The following ELP4 variants were observed in gnomAD, a reference collection of about 807,000 sequenced individuals.
ELP4 encodes elongator complex protein 4.
A neutral mutation model predicts 48.9 loss-of-function variants in ELP4; 51 were observed. That is an observed-to-expected ratio of 1.04 (90% CI 0.83 to 1.32). The LOEUF (loss-of-function observed/expected upper bound fraction) is 1.32. ELP4 is among the 40% of genes most tolerant of loss of function. The pLI is 0.00. For synonymous variants in ELP4, 210 were observed against 189.2 expected (o/e 1.11, Z -0.90); for missense variants, 519 against 514.6 (o/e 1.01, Z -0.08).
chr11:31,773,609 C>A (rs1948190752), intron 9 of ELP4, among the ~76,000 whole-genome samples: 1 of 152,240 alleles, frequency 6.6e-6, no homozygotes, highest in Non-Finnish European at 1.5e-5. Flanking sequence ...TGTCTCTCAA[C>A]TCCCATGAAG....
At chr11:31,602,746 GTATC>G (rs1229753099) in intron 4 of ELP4, among the ~76,000 whole-genome samples, 1 of 151,798 alleles carries the variant, frequency 6.6e-6, no homozygotes, top group African/African-American at 2.4e-5. Context: ...ACTTAGATAA[GTATC>G]TACTATGTAT....
At chr11:31,766,390 A>T (rs1948041449) in intron 9 of ELP4, among the ~76,000 whole-genome samples, 1 of 152,134 alleles carries the variant, frequency 6.6e-6, no homozygotes, top group Non-Finnish European at 1.5e-5. Context: ...AGATAAATAC[A>T]TATGGTTTCA....
intron 3 of ELP4, among the ~76,000 whole-genome samples, chr11:31,560,641 T>G (rs771520099): frequency 6.7e-6 from 1 of 150,108 alleles, no homozygotes; most frequent in Non-Finnish European, 1.5e-5. Flanking sequence ...TTTTAAAATA[T>G]TTTATAAAAT....
rs1957428211 is a variant in ELP4, at chr11:31,583,758, A to C, written c.382-11012A>C. On this transcript the variant is annotated intron_variant, in intron 3 of 9. Transcript: ENST00000640961. ...TAGTAAACAATTTAAAGTGTTAGGT[A>C]AATAAATAAATACATTTCCTATTTT... 2.0e-5 allele frequency among the ~76,000 whole-genome samples: 3 copies of C among 152,226 alleles called. No individual in the cohort carries two copies. The South Asian group carries it at 6.2e-4, about 31-fold the overall frequency.
In ELP4 at chr11:31,627,159, A is replaced by G; in HGVS notation, c.703A>G (p.Ile235Val). ...GCTGCTTCAGTTTATCCAGAACATC[A>G]TTTATGAGGAAGGATTTGATGGATC... ...TKLLQFIQNI[I>V]YEEGFDGSNP... is the part of the protein sequence containing the mutation. The change falls in exon 6 of 10, where the codon ATT becomes GTT. Residue 235 changes from isoleucine to valine, a missense_variant. Physicochemically the swap from Ile to Val is conservative, Grantham distance 29. Transcript: ENST00000640961. 1 of 1,597,764 alleles carries G rather than the reference A, an allele frequency of 6.3e-7. No individual in the cohort carries two copies. The highest frequency in any genetic ancestry group is 8.5e-7 in the Non-Finnish European group (1 of 1,171,384).
chr11:31,690,946 A>G (rs563194191), intron 9 of ELP4, among the ~76,000 whole-genome samples: 43 of 152,000 alleles, frequency 2.8e-4, no homozygotes, highest in Admixed American at 2.6e-3. Context: ...CAAATTTCCT[A>G]CATTAAGACT....
At chr11:31,701,508 T>C (rs1318933013) in intron 9 of ELP4, among the ~76,000 whole-genome samples, 1 of 151,912 alleles carries the variant, frequency 6.6e-6, no homozygotes, top group Non-Finnish European at 1.5e-5. Context: ...TCAATTTATC[T>C]TGGGGCACAG....
At chr11:31,567,335 C>G (rs1455109415) in intron 3 of ELP4, among the ~76,000 whole-genome samples, 4 of 152,200 alleles carry the variant, frequency 2.6e-5, no homozygotes, top group Non-Finnish European at 4.4e-5. Context: ...CTGATTTTCT[C>G]AGATAGGATC....
At chr11:31,720,549 A>C (rs1418075409) in intron 9 of ELP4, among the ~76,000 whole-genome samples, 2 of 152,224 alleles carry the variant, frequency 1.3e-5, no homozygotes, top group East Asian at 3.8e-4. Context: ...TGCTTAGCAA[A>C]GGAGTAGTTG....
chr11:31,773,262 T>G (rs1475652608), intron 9 of ELP4, among the ~76,000 whole-genome samples: 1 of 152,244 alleles, frequency 6.6e-6, no homozygotes, highest in African/African-American at 2.4e-5. Context: ...TCTTACATAG[T>G]TCTAGGATTC....
rs763707989 is a variant in ELP4 at position 31,789,887 on chromosome 11, C to G, written c.*6363C>G. The stretch of plus-strand genomic sequence containing the variant: ...ACTGTTGTGTCCCCATAGTCACTGA[C>G]TGAATTAACACAATATTTCCTTTCC... On this transcript the variant is annotated 3_prime_UTR_variant, in exon 10 of 10. Coordinates refer to ENST00000640961, the MANE Select transcript of ELP4 (RefSeq NM_019040.5). 7.9e-6 allele frequency: 12 copies of G among 1,518,486 alleles called. No individual in the cohort carries two copies. In the East Asian group the frequency reaches 1.7e-4, roughly 21 times the overall value. The allele number at this position is 1,518,486 out of a possible 1,614,324, so 94.1% of individuals were successfully genotyped here.
chr11:31,744,192 G>A (rs986459198), intron 9 of ELP4, among the ~76,000 whole-genome samples: 2 of 152,138 alleles, frequency 1.3e-5, no homozygotes, highest in Non-Finnish European at 2.9e-5. Flanking sequence ...ACTAAACCAG[G>A]AAGAAGTTGA....
intron 5 of ELP4, among the ~76,000 whole-genome samples, chr11:31,617,518 G>A (rs1393427483): frequency 1.3e-5 from 2 of 151,874 alleles, no homozygotes; most frequent in Non-Finnish European, 2.9e-5. Flanking sequence ...TTAACTTAAT[G>A]TTAAGTTGTG....
rs1439009651 is a variant in ELP4, at chr11:31,689,446, A to G, written c.1143+39225A>G. On this transcript the variant is annotated intron_variant, in intron 9 of 9. Coordinates refer to ENST00000640961, the MANE Select transcript of ELP4 (RefSeq NM_019040.5). ...GCCACAAAATGAGAACCTGTCTTTA[A>G]AAAAAAAAAAAAAAAGAAAGAAAGA... 3.7e-4 allele frequency: 9 copies of G among 24,192 alleles called. No individual in the cohort carries two copies. The East Asian group carries it at 0.015, about 42-fold the overall frequency. 1.5% of individuals were successfully genotyped at this position (24,192 alleles called of 1,614,324 possible). A position where few individuals can be genotyped will look rare whatever the true frequency, so the allele number is the denominator to read the frequency against.
At chr11:31,669,514 G>A (rs983778219) in intron 9 of ELP4, among the ~76,000 whole-genome samples, 1 of 152,130 alleles carries the variant, frequency 6.6e-6, no homozygotes, top group East Asian at 1.9e-4. Flanking sequence ...AGGTTAGATA[G>A]CCTACCTCTG....
At chr11:31,523,336 T>A (rs1956246180) in intron 2 of ELP4, among the ~76,000 whole-genome samples, 2 of 152,248 alleles carry the variant, frequency 1.3e-5, no homozygotes, top group Admixed American at 6.5e-5. Flanking sequence ...TGAAAAACTT[T>A]AAATTCCAGA....
At chr11:31,641,019 G>A (rs1298921555) in intron 7 of ELP4, among the ~76,000 whole-genome samples, 1 of 151,854 alleles carries the variant, frequency 6.6e-6, no homozygotes, top group Non-Finnish European at 1.5e-5. Flanking sequence ...CAAAATCTTA[G>A]AACAGATTTT....
chr11:31,514,022 G>T (rs1258448923), intron 1 of ELP4, among the ~76,000 whole-genome samples: 1 of 152,016 alleles, frequency 6.6e-6, no homozygotes, highest in Admixed American at 6.6e-5. Flanking sequence ...GCCAATAATT[G>T]TGTCATAATT....
At chr11:31,758,252 C>A (rs1487561139) in intron 9 of ELP4, among the ~76,000 whole-genome samples, 1 of 152,174 alleles carries the variant, frequency 6.6e-6, no homozygotes, top group African/African-American at 2.4e-5. Flanking sequence ...GTTGAATTTC[C>A]TACCACTAGG....
Sources: allele counts gnomAD v4.1 joint callset (sites outside exome capture counted in the v4.1 genomes callset), GRCh38; gene constraint gnomAD v4.1.1; transcripts MANE v1.5; gene names NCBI Gene and HGNC (gene_info 2026-07-23, HGNC 2026-07-21).